PPFIA2: variants seen among roughly 807,000 people sequenced by gnomAD.
PPFIA2 encodes the protein liprin-alpha-2.
In PPFIA2, 46 loss-of-function variants were observed where a neutral mutation model predicts 175.5. The ratio of observed to expected loss-of-function variants is 0.26; its 90% CI spans 0.21 to 0.34. The LOEUF is 0.34. Ranked by LOEUF, PPFIA2 falls within the 10% of genes least tolerant of loss-of-function variation. PPFIA2 has a pLI of 1.00. For synonymous variants in PPFIA2, 568 were observed against 511.4 expected (o/e 1.11, Z -1.49); for missense variants, 1,179 against 1,506.1 (o/e 0.78, Z 3.60).
chr12:81,548,274 G>C (rs1038811913), intron 4 of PPFIA2, among the ~76,000 whole-genome samples: 1 of 152,028 alleles, frequency 6.6e-6, no homozygotes, highest in South Asian at 2.1e-4. Context: ...TTTACACAGG[G>C]AAATACACGG....
intron 22 of PPFIA2, among the ~76,000 whole-genome samples, chr12:81,306,921 A>G (rs1042760946): frequency 6.6e-6 from 1 of 152,060 alleles, no homozygotes; most frequent in Admixed American, 6.5e-5. Context: ...GATTATTTTT[A>G]ATCTTCATTA....
intron 3 of PPFIA2, among the ~76,000 whole-genome samples, chr12:81,681,406 T>C (rs1376162189): frequency 6.6e-6 from 1 of 151,928 alleles, no homozygotes; most frequent in Non-Finnish European, 1.5e-5. Flanking sequence ...AAACCAAGGA[T>C]GGCCAGTGAA....
intron 23 of PPFIA2, among the ~76,000 whole-genome samples, chr12:81,297,646 T>C (rs2046818742): frequency 6.6e-6 from 1 of 152,234 alleles, no homozygotes; most frequent in Non-Finnish European, 1.5e-5. Flanking sequence ...TAAATATGTC[T>C]TCTTTGGACC....
At chr12:81,528,524 T>C (rs993376420) in intron 4 of PPFIA2, among the ~76,000 whole-genome samples, 3 of 152,104 alleles carry the variant, frequency 2.0e-5, no homozygotes, top group African/African-American at 7.2e-5. Context: ...ACAACAGAAT[T>C]GGCTTTCTAT....
intron 7 of PPFIA2, among the ~76,000 whole-genome samples, chr12:81,438,271 C>A (rs981585211): frequency 6.6e-6 from 1 of 152,098 alleles, no homozygotes; most frequent in African/African-American, 2.4e-5. Context: ...AGTTCAAGAC[C>A]AGCCTGACCA....
chr12:81,423,478 C>T (rs940183204), intron 7 of PPFIA2, among the ~76,000 whole-genome samples: 7 of 152,104 alleles, frequency 4.6e-5, no homozygotes, highest in East Asian at 1.9e-4. Context: ...TACAACACAT[C>T]AGCAAAATTT....
At chr12:81,278,553 A>AAG (rs1174488154) in intron 27 of PPFIA2, among the ~76,000 whole-genome samples, 2 of 151,822 alleles carry the variant, frequency 1.3e-5, no homozygotes, top group East Asian at 3.9e-4. Context: ...AAAAAAAAAA[A>AAG]AAGTTTTCTG....
chr12:81,544,934 A>G (rs992568420), intron 4 of PPFIA2, among the ~76,000 whole-genome samples: 1 of 152,212 alleles, frequency 6.6e-6, no homozygotes, highest in Non-Finnish European at 1.5e-5. Context: ...ATAGCAAACT[A>G]CAAATAATAT....
At chr12:81,347,911 CTT>C in intron 17 of PPFIA2, 141 bp from the exon 18 acceptor site, 5 of 1,171,804 alleles carry the variant, frequency 4.3e-6, no homozygotes, top group Admixed American at 3.7e-5. Context: ...ATTTTTTCAT[CTT>C]TTTTTTTTCT....
At chr12:81,568,666 C>T (rs1450686439) in intron 4 of PPFIA2, among the ~76,000 whole-genome samples, 1 of 152,122 alleles carries the variant, frequency 6.6e-6, no homozygotes, top group Non-Finnish European at 1.5e-5. Context: ...GTCTCATATA[C>T]AGAACAAGAA....
At chr12:81,637,902 T>C (rs766229834) in intron 4 of PPFIA2, among the ~76,000 whole-genome samples, 84 of 152,154 alleles carry the variant, frequency 5.5e-4, no homozygotes, top group Non-Finnish European at 8.8e-4. Context: ...AGGACATACA[T>C]ATCTTTAAAA....
chr12:81,707,272 T>C (rs1392913247), intron 3 of PPFIA2, among the ~76,000 whole-genome samples: 1 of 151,516 alleles, frequency 6.6e-6, no homozygotes, highest in Non-Finnish European at 1.5e-5. Context: ...AACCTACTCA[T>C]CTGACAAAGG....
At chr12:81,733,996 T>C (rs1478259920) in intron 3 of PPFIA2, among the ~76,000 whole-genome samples, 1 of 151,832 alleles carries the variant, frequency 6.6e-6, no homozygotes, top group Non-Finnish European at 1.5e-5. Context: ...TTAAAACTTC[T>C]GATTTGAGGG....
chr12:81,642,361 C>T lies in PPFIA2; in HGVS notation c.303+34430G>A, dbSNP rs117615341. On this transcript the variant is annotated intron_variant, in intron 4 of 32. Transcript: ENST00000549396. Reference sequence around the variant, plus strand: ...AGTTATTTTATCTCTCTGGCCTTAGCTTTTACATCTGTCAGAAAACTTATC... The same window carrying T: ...AGTTATTTTATCTCTCTGGCCTTAGTTTTTACATCTGTCAGAAAACTTATC... Among the ~76,000 whole-genome samples, 1,504 of 151,690 alleles carry T rather than the reference C, an allele frequency of 9.9e-3. 12 individuals carry two copies. Among genetic ancestry groups the T allele is most frequent in the Non-Finnish European group, 0.012 (817 of 67,800 alleles).
At chr12:81,376,007 A>C in intron 9 of PPFIA2, 65 bp from the exon 10 acceptor site, 2 of 1,399,748 alleles carry the variant, frequency 1.4e-6, no homozygotes, top group Non-Finnish European at 2.0e-6. Flanking sequence ...TTGTCTTGTT[A>C]GTTAAATAAA....
intron 4 of PPFIA2, among the ~76,000 whole-genome samples, chr12:81,566,106 T>C (rs2071225421): frequency 6.6e-6 from 1 of 152,158 alleles, no homozygotes; most frequent in Non-Finnish European, 1.5e-5. Context: ...GAAGATCAAA[T>C]ACTGAGTCCC....
intron 2 of PPFIA2, among the ~76,000 whole-genome samples, chr12:81,758,077 C>A (rs2153671537): frequency 6.6e-6 from 1 of 152,234 alleles, no homozygotes; most frequent in East Asian, 1.9e-4. Flanking sequence ...TTTCTTTACC[C>A]TAGTGCATTT....
chr12:81,630,899 A>ATATAT lies in PPFIA2; in HGVS notation c.303+45891_303+45892insATATA, dbSNP rs1411924550. Reference sequence around the variant, plus strand: ...GGAAAGGCTATATATATATATATATATTTTTTTTTTTTTTCCAGACAGAGT... The same window carrying ATATAT: ...GGAAAGGCTATATATATATATATATATATATTTTTTTTTTTTTTTCCAGACAGAGT... On this transcript the variant is annotated intron_variant, in intron 4 of 32. Coordinates refer to ENST00000549396, the MANE Select transcript of PPFIA2 (RefSeq NM_003625.5). 6.5e-3 allele frequency among the ~76,000 whole-genome samples: 696 copies of ATATAT among 106,452 alleles called. 2 individuals carry two copies. Among genetic ancestry groups the ATATAT allele is most frequent in the African/African-American group, 0.013 (431 of 34,416 alleles). The allele number at this position is 106,452 out of a possible 152,430, so 69.8% of individuals were successfully genotyped here.
At chr12:81,451,553 T>G (rs2052586127) in intron 5 of PPFIA2, among the ~76,000 whole-genome samples, 1 of 152,224 alleles carries the variant, frequency 6.6e-6, no homozygotes. Context: ...TTATATGCTT[T>G]AATTAATGTC....
Sources: allele counts gnomAD v4.1 joint callset (sites outside exome capture counted in the v4.1 genomes callset), GRCh38; gene constraint gnomAD v4.1.1; transcripts MANE v1.5; gene names NCBI Gene and HGNC (gene_info 2026-07-23, HGNC 2026-07-21).